Variants in MIGA1 observed in about 807,000 individuals in gnomAD.
The protein encoded by MIGA1 is mitoguardin 1.
Under a neutral mutation model 82.0 loss-of-function variants are expected in MIGA1, and 58 were observed. That is an observed-to-expected ratio of 0.71 (90% confidence interval 0.57 to 0.88). The LOEUF is 0.88. Among genes scored for constraint, MIGA1 ranks in the 40% least tolerant of loss-of-function variants. The pLI, the probability that MIGA1 is intolerant of heterozygous loss-of-function variation, is 0.00. For synonymous variants in MIGA1, 249 were observed against 253.6 expected, an observed-to-expected ratio of 0.98 and a Z score of 0.17; for missense variants, 751 against 749.1, an observed-to-expected ratio of 1.00 and a Z score of -0.03.
In MIGA1 at chr1:77,834,042, G is replaced by A. The variant is rs74838933; in HGVS notation, c.896-9265G>A. On this transcript the variant is annotated intron_variant, in intron 7 of 15. Transcript: ENST00000370791. ...AACTATTGTGGAAATCTTCTTTTGG[G>A]TAATATCAGGCTGTTTTGTACATAC... Among the ~76,000 whole-genome samples the A allele has an allele frequency of 2.7e-3, 405 of 152,316 alleles. 3 individuals are homozygous for A. The highest frequency in any genetic ancestry group is 9.8e-3 in the East Asian group (51 of 5,188).
rs918907536 is a variant in MIGA1 at position 77,863,916 on chromosome 1, A to G, written c.1397A>G (p.Asp466Gly). 6.4e-7 allele frequency: 1 copy of G among 1,572,298 alleles called. No individual in the cohort carries two copies. Residue 466 changes from aspartate (D) to glycine (G), a missense_variant, in exon 13 of 16, where the codon GAT (aspartate) becomes GGT (glycine). By Grantham distance (94) the Asp-to-Gly change is moderately conservative (BLOSUM62 -1). Around this residue, in one of 3 missense-constraint regions of MIGA1, gnomAD observed 265 missense variants for 293.6 expected, o/e 0.90. Coordinates refer to ENST00000370791, the MANE Select transcript of MIGA1 (RefSeq NM_198549.4). ...CAGGTGAAAAATCTAAATTTTTATG[A>G]TGTTGTTCTGGATTTTATATTAATG...
chr1:77,798,574 A>G (rs12122686), intron 2 of MIGA1, among the ~76,000 whole-genome samples: 16,890 of 152,222 alleles, frequency 0.11, 1,073 homozygotes, highest in South Asian at 0.23. Context: ...TGATTCAATT[A>G]TCTCCCACGG....
At chr1:77,805,470 T>TC (rs1683059975) in intron 4 of MIGA1, among the ~76,000 whole-genome samples, 1 of 150,394 alleles carries the variant, frequency 6.6e-6, no homozygotes, top group Admixed American at 6.6e-5. Flanking sequence ...TCTTTTTTTT[T>TC]TTTTTTTTTG....
chr1:77,796,089 A>C (rs1363913239), intron 2 of MIGA1, among the ~76,000 whole-genome samples: 1 of 151,418 alleles, frequency 6.6e-6, no homozygotes, highest in Non-Finnish European at 1.5e-5. Context: ...CAGAATTTGC[A>C]CCCCAATACT....
At chr1:77,864,471 T>C (rs1316682732) in intron 13 of MIGA1, among the ~76,000 whole-genome samples, 2 of 151,426 alleles carry the variant, frequency 1.3e-5, no homozygotes, top group Non-Finnish European at 2.9e-5. Flanking sequence ...AGGTCAGGAG[T>C]TCGAGACCAG....
intron 8 of MIGA1, among the ~76,000 whole-genome samples, chr1:77,845,993 A>G (rs1300024521): frequency 2.7e-5 from 4 of 149,948 alleles, no homozygotes; most frequent in Middle Eastern, 3.5e-3. Flanking sequence ...AGTAATTCAC[A>G]TGCCATAAAA....
At chr1:77,810,456 A>G (rs185210122) in intron 5 of MIGA1, among the ~76,000 whole-genome samples, 207 of 152,280 alleles carry the variant, frequency 1.4e-3, no homozygotes, top group Non-Finnish European at 2.4e-3. Flanking sequence ...CATTAAGTCA[A>G]AAGAGCATAT....
chr1:77,866,782 C>T (rs1358783580), intron 14 of MIGA1, among the ~76,000 whole-genome samples: 1 of 149,236 alleles, frequency 6.7e-6, no homozygotes, highest in African/African-American at 2.5e-5. Flanking sequence ...TTCCCGGGTT[C>T]AAGCGATTCT....
intron 4 of MIGA1, among the ~76,000 whole-genome samples, chr1:77,806,685 G>A (rs1683113031): frequency 6.6e-6 from 1 of 152,134 alleles, no homozygotes; most frequent in Admixed American, 6.5e-5. Context: ...ATTTATAAGT[G>A]AATGCTTAAA....
chr1:77,875,070 A>G lies in MIGA1; in HGVS notation c.*6A>G, dbSNP rs371515943. 486 of 1,590,130 alleles carry G rather than the reference A, an allele frequency of 3.1e-4. No homozygotes were observed. The highest frequency in any genetic ancestry group is 7.7e-4 in the Admixed American group (46 of 59,722). ...TGGAAGCCAAAGTACAATAAGTACC[A>G]TAAGAATCATACAATTTGAGTGTGC... On this transcript the variant is annotated 3_prime_UTR_variant, in exon 16 of 16. Transcript: ENST00000370791.
In MIGA1 at chr1:77,789,201, CTTTTTTTTTT is replaced by C. The variant is rs148055304; in HGVS notation, c.195+5861_195+5870del. Among the ~76,000 whole-genome samples, 45 of 108,832 alleles carry C rather than the reference CTTTTTTTTTT, an allele frequency of 4.1e-4. 1 individual carries two copies. The highest frequency in any genetic ancestry group is 1.5e-3 in the African/African-American group (42 of 28,434). The allele number at this position is 108,832 out of a possible 152,430, so 71.4% of individuals were successfully genotyped here. A position where few individuals can be genotyped will look rare whatever the true frequency, so the allele number is the denominator to read the frequency against. Reference sequence around the variant, plus strand: ...TAAATGGAATTGTGGGGGGCGGTTGCTTTTTTTTTTTTTTTTTTTTCTTTGAGACGAGGTC... The same window carrying C: ...TAAATGGAATTGTGGGGGGCGGTTGCTTTTTTTTTTCTTTGAGACGAGGTC... On this transcript the variant is annotated intron_variant, in intron 2 of 15. Coordinates refer to ENST00000370791, the MANE Select transcript of MIGA1 (RefSeq NM_198549.4).
At chr1:77,853,618 G>A in intron 8 of MIGA1, 1 of 167,104 alleles carries the variant, frequency 6.0e-6, no homozygotes, top group Non-Finnish European at 1.3e-5. Context: ...AGTTGAGGCT[G>A]CAGTGGGCCA....
intron 5 of MIGA1, among the ~76,000 whole-genome samples, chr1:77,808,544 T>A (rs1391566955): frequency 6.6e-6 from 1 of 152,218 alleles, no homozygotes; most frequent in Non-Finnish European, 1.5e-5. Flanking sequence ...GTTTCACATC[T>A]CAGTATTTCT....
chr1:77,852,134 G>A (rs1685079196), intron 8 of MIGA1, among the ~76,000 whole-genome samples: 1 of 151,908 alleles, frequency 6.6e-6, no homozygotes, highest in Non-Finnish European at 1.5e-5. Flanking sequence ...ATCTGCGCAC[G>A]TCAACCTCCC....
Position 77,807,130 on chromosome 1 carries a change from T to C in MIGA1, c.637+29T>C, listed in dbSNP as rs537460632. The C allele has an allele frequency of 2.0e-5, 30 of 1,517,596 alleles. 1 individual carries two copies. In the South Asian group the frequency reaches 3.3e-4, roughly 17 times the overall value. The allele number at this position is 1,517,596 out of a possible 1,614,324, so 94.0% of individuals were successfully genotyped here. On this transcript the variant is annotated intron_variant, in intron 5 of 15. Transcript: ENST00000370791. The stretch of plus-strand genomic sequence containing the variant: ...GGAATGAGATGATAACATTTTAAGA[T>C]ACTGTGCTCACATTTAATTTGTTTT...
At chr1:77,784,038 A>G (rs1178983010) in intron 2 of MIGA1, among the ~76,000 whole-genome samples, 2 of 152,154 alleles carry the variant, frequency 1.3e-5, no homozygotes, top group African/African-American at 4.8e-5. Context: ...TGGATATACT[A>G]CATTTTGCTT....
intron 7 of MIGA1, among the ~76,000 whole-genome samples, chr1:77,821,772 G>A (rs1056301559): frequency 6.6e-6 from 1 of 152,128 alleles, no homozygotes; most frequent in Non-Finnish European, 1.5e-5. Flanking sequence ...AATTTGGTTA[G>A]TTTTGTATAG....
intron 13 of MIGA1, 115 bp from the exon 14 acceptor site, chr1:77,866,223 C>T: frequency 2.1e-6 from 2 of 940,058 alleles, no homozygotes; most frequent in Non-Finnish European, 1.6e-6. Flanking sequence ...CCGACTAGTT[C>T]TTATTAGTAA....
At position 77,807,020 on chromosome 1, in the gene MIGA1, A is replaced by G. The variant is rs1347683304; in HGVS notation, c.556A>G (p.Asn186Asp). The G allele has an allele frequency of 2.5e-6, 4 of 1,611,382 alleles. No individual in the cohort carries two copies. The highest frequency in any genetic ancestry group is 3.4e-6 in the Non-Finnish European group (4 of 1,177,676). The change falls in exon 5 of 16, where the codon AAT becomes GAT. Residue 186 changes from asparagine to aspartate, a missense_variant. Asn to Asp is a conservative substitution (Grantham distance 23, BLOSUM62 1). Transcript: ENST00000370791. The stretch of plus-strand genomic sequence containing the variant: ...TCATAGCTGCGCTTGTGGCAATTCT[A>G]ATTCCTGGGACAAAGCAGATGAAGA...
Sources: allele counts gnomAD v4.1 joint callset (sites outside exome capture counted in the v4.1 genomes callset), GRCh38; gene constraint gnomAD v4.1.1; regional missense constraint gnomAD v4.1.1; transcripts MANE v1.5; gene names NCBI Gene and HGNC (gene_info 2026-07-23, HGNC 2026-07-21).